The following AAAS variants were observed in gnomAD, a reference collection of about 807,000 sequenced individuals.
AAAS encodes aladin WD repeat nucleoporin.
AAAS carries 60 observed loss-of-function variants against 75.6 expected under a neutral mutation model. That is an observed-to-expected ratio of 0.79 (90% CI 0.64 to 0.98). The LOEUF (loss-of-function observed/expected upper bound fraction) is 0.98, where lower values mean the gene tolerates loss of function less well. AAAS is among the 50% of genes least tolerant of loss of function. The pLI, the probability that AAAS is intolerant of heterozygous loss-of-function variation, is 0.00. For missense variants in AAAS, 658 were observed against 686.9 expected (o/e 0.96, Z 0.47); for synonymous variants, 271 against 265.0 (o/e 1.02, Z -0.22).
chr12:53,311,232 T>C (rs751001303), intron 7 of AAAS, among the ~76,000 whole-genome samples: 31 of 152,238 alleles, frequency 2.0e-4, no homozygotes, highest in Non-Finnish European at 4.0e-4. Flanking sequence ...GCATGAGCCA[T>C]CACGCCTGGC....
intron 7 of AAAS, among the ~76,000 whole-genome samples, chr12:53,310,708 C>T (rs1287431990): frequency 2.0e-5 from 3 of 152,178 alleles, no homozygotes; most frequent in Non-Finnish European, 2.9e-5. Context: ...TGAATTAATG[C>T]CACCTCTCTT....
At chr12:53,312,860 A>AT (rs1435764986) in intron 7 of AAAS, among the ~76,000 whole-genome samples, 14 of 33,096 alleles carry the variant, frequency 4.2e-4, no homozygotes, top group South Asian at 2.4e-3. Flanking sequence ...ATATATATAT[A>AT]TATTTTTTTT....
Position 53,315,430 on chromosome 12 carries a change from T to C in AAAS, c.308-4A>G, listed in dbSNP as rs747242917. ...GCCGTCTTCACCCACTCAAACACTG[T>C]AGGGTTGAGGAAGCAGCTCTGATTA... On this transcript the variant is annotated splice_region_variant and splice_polypyrimidine_tract_variant and intron_variant, in intron 3 of 15. Coordinates refer to ENST00000209873, the MANE Select transcript of AAAS (RefSeq NM_015665.6). The C allele has an allele frequency of 1.9e-6, 3 of 1,611,292 alleles. No individual in the cohort carries two copies. The highest frequency in any genetic ancestry group is 2.5e-6 in the Non-Finnish European group (3 of 1,178,790).
intron 2 of AAAS, 77 bp downstream of exon 2, chr12:53,320,488 C>G (rs996682771): frequency 5.0e-6 from 8 of 1,601,228 alleles, no homozygotes; most frequent in Non-Finnish European, 6.0e-6. Flanking sequence ...TTGAAGAACA[C>G]CCCAAGGTAA....
At chr12:53,311,407 G>A (rs754727389) in intron 7 of AAAS, among the ~76,000 whole-genome samples, 18 of 152,080 alleles carry the variant, frequency 1.2e-4, no homozygotes, top group Non-Finnish European at 1.9e-4. Flanking sequence ...GATTATAGGC[G>A]CACGCCACCA....
chr12:53,308,845 G>A (rs760456385), intron 10 of AAAS, 30 bp from the exon 11 acceptor site: 6 of 1,613,678 alleles, frequency 3.7e-6, no homozygotes, highest in Non-Finnish European at 5.1e-6. Context: ...GGCAGGAGAA[G>A]GTATGTCTAT....
intron 7 of AAAS, among the ~76,000 whole-genome samples, chr12:53,313,653 G>C (rs10747665): frequency 0.93 from 140,328 of 150,964 alleles, 65,810 homozygotes; most frequent in Non-Finnish European, 0.99. Context: ...CTGTTGCCCA[G>C]GCTGGAGTAC....
intron 10 of AAAS, 31 bp downstream of exon 10, chr12:53,308,929 C>G: frequency 6.2e-7 from 1 of 1,614,114 alleles, no homozygotes; most frequent in Non-Finnish European, 8.5e-7. Context: ...CATCTCCTCC[C>G]CAGTGTCTGT....
In AAAS at chr12:53,316,190, G is replaced by A. The variant is rs148469402; in HGVS notation, c.252-408C>T. Among the ~76,000 whole-genome samples, 3 of 152,222 alleles carry A rather than the reference G, an allele frequency of 2.0e-5. No homozygotes were observed. In the East Asian group the frequency reaches 5.8e-4, roughly 29 times the overall value. ...GGCCAGGCTGGCTGTGGTGGCTCACGCCTATAATCCCAGCACTTTGGGAGG... is the reference window on the plus strand; with the variant it reads ...GGCCAGGCTGGCTGTGGTGGCTCACACCTATAATCCCAGCACTTTGGGAGG... On this transcript the variant is annotated intron_variant, in intron 2 of 15. Transcript: ENST00000209873.
Position 53,314,842 on chromosome 12 carries a change from A to G in AAAS, c.454T>C (p.Cys152Arg), listed in dbSNP as rs1336989096. Residue 152 changes from cysteine (C) to arginine (R), a missense_variant, in exon 6 of 16, where the codon TGC (cysteine) becomes CGC (arginine). Cys to Arg is a radical substitution (Grantham distance 180). Transcript: ENST00000209873. ...EFAQVTNWSS[C>R]CLRVFAWHPH... ...TGCCATGCAAAGACACGCAAGCAGC[A>G]GCTGGACCTAAGGAAGGGGTTAACA... The G allele has an allele frequency of 6.2e-7, 1 of 1,613,592 alleles. No individual in the cohort carries two copies. Among genetic ancestry groups the G allele is most frequent in the Admixed American group, 1.7e-5 (1 of 59,878 alleles).
intron 14 of AAAS, 35 bp downstream of exon 14, chr12:53,308,017 A>G (rs1944319068): frequency 6.2e-7 from 1 of 1,613,648 alleles, no homozygotes; most frequent in African/African-American, 1.3e-5. Flanking sequence ...AAGGCTGGTG[A>G]GAAGTCCAGA....
Position 53,314,905 on chromosome 12 carries a change from A to G in AAAS, c.447-56T>C. 5 of 1,552,226 alleles carry G rather than the reference A, an allele frequency of 3.2e-6. No homozygotes were observed. The South Asian group carries it at 5.7e-5, about 18-fold the overall frequency. On this transcript the variant is annotated intron_variant, in intron 5 of 15. Transcript: ENST00000209873. ...GCACCTATCCCTACCCTAGCCCAGA[A>G]GCTCACATTCATTTCCAGTAAGGAC... is the stretch of plus-strand genomic sequence containing the variant.
rs190786901 is a variant in AAAS, at chr12:53,310,039, G to A, written c.690-318C>T. 3.4e-3 allele frequency among the ~76,000 whole-genome samples: 525 copies of A among 152,314 alleles called. 11 individuals carry two copies. Among genetic ancestry groups the A allele is most frequent in the Non-Finnish European group, 1.1e-3 (77 of 68,030 alleles). On this transcript the variant is annotated intron_variant, in intron 7 of 15. Coordinates refer to ENST00000209873, the MANE Select transcript of AAAS (RefSeq NM_015665.6). ...ACCTAGAAGGTACTGCCCCTGGGGC[G>A]ATATCAGGCCCTACCCCAGAACACA... is the stretch of plus-strand genomic sequence containing the variant.
chr12:53,318,223 A>AGT (rs71443291), intron 2 of AAAS, among the ~76,000 whole-genome samples: 219 of 136,992 alleles, frequency 1.6e-3, no homozygotes, highest in African/African-American at 5.2e-3. Context: ...ATGGGGTTTC[A>AGT]GTGTGTGTGT....
chr12:53,318,614 T>C (rs528063098), intron 2 of AAAS, among the ~76,000 whole-genome samples: 1 of 152,262 alleles, frequency 6.6e-6, no homozygotes, highest in East Asian at 1.9e-4. Context: ...CAACCATCTA[T>C]CTACCCCAGA....
At position 53,307,681 on chromosome 12, in the gene AAAS, C is replaced by T. The variant is rs375489475; in HGVS notation, c.1449G>A (p.Pro483=). Residue 483 remains proline (P), a synonymous_variant, in exon 16 of 16, where the codon CCG becomes CCA. Transcript: ENST00000209873. ...GWSTGRIAHI[P]LYFVNAQFPR... ...GAAACTGGGCATTGACAAAGTACAG[C>T]GGGATGTGGGCAATTCGGCCTGTGG... 1.7e-5 allele frequency: 27 copies of T among 1,613,984 alleles called. No individual in the cohort carries two copies. The highest frequency in any genetic ancestry group is 1.6e-4 in the Middle Eastern group (1 of 6,084).
intron 2 of AAAS, among the ~76,000 whole-genome samples, chr12:53,318,245 CGTGTGTGT>C (rs1165918605): frequency 1.4e-3 from 114 of 78,918 alleles, no homozygotes; most frequent in African/African-American, 4.1e-3. Context: ...TGTGTGTGTG[CGTGTGTGT>C]GTGTGTGTGT....
intron 2 of AAAS, among the ~76,000 whole-genome samples, chr12:53,318,311 C>G (rs1442302407): frequency 6.6e-6 from 1 of 151,272 alleles, no homozygotes; most frequent in Admixed American, 6.6e-5. Flanking sequence ...GGCTGGAGTG[C>G]AGTGGTGTGA....
Position 53,307,888 on chromosome 12 carries a change from A to T in AAAS, c.1373T>A (p.Ile458Asn), listed in dbSNP as rs1447996262. 6.2e-7 allele frequency: 1 copy of T among 1,614,240 alleles called. No homozygotes were observed. Among genetic ancestry groups the T allele is most frequent in the Non-Finnish European group, 8.5e-7 (1 of 1,180,046 alleles). ...QGEPGAQPQL[I>N]TFHPSFNKGA... is the part of the protein sequence containing the mutation. ...TTTGTTGAAGGAAGGATGGAAAGTG[A>T]TGAGCTGGGGCTGGGCTCCTGGCTC... The change falls in exon 15 of 16, where the codon ATC becomes AAC. Residue 458 changes from isoleucine to asparagine, a missense_variant. Coordinates refer to ENST00000209873, the MANE Select transcript of AAAS (RefSeq NM_015665.6).
Sources: allele counts gnomAD v4.1 joint callset (sites outside exome capture counted in the v4.1 genomes callset), GRCh38; gene constraint gnomAD v4.1.1; transcripts MANE v1.5; gene names NCBI Gene and HGNC (gene_info 2026-07-23, HGNC 2026-07-21).